The following CCDC171 variants were observed in gnomAD, a reference collection of about 807,000 sequenced individuals.
CCDC171 encodes coiled-coil domain-containing protein 171.
CCDC171 carries 177 observed loss-of-function variants against 168.2 expected under a neutral mutation model. The observed-to-expected ratio is 1.05, with a 90% CI of 0.93 to 1.19. The LOEUF is 1.19. Ranked by LOEUF, CCDC171 falls within the 50% of genes most tolerant of loss-of-function variation. The probability of loss-of-function intolerance (pLI) is 0.00; values close to 1 mark genes in which losing one functional copy is unlikely to be tolerated. For synonymous variants in CCDC171, 687 were observed against 540.8 expected, an observed-to-expected ratio of 1.27 and a Z score of -3.75; for missense variants, 1,991 against 1,539.0, an observed-to-expected ratio of 1.29 and a Z score of -4.91.
At chr9:15,953,410 A>G (rs752950161) in intron 25 of CCDC171, among the ~76,000 whole-genome samples, 1 of 152,126 alleles carries the variant, frequency 6.6e-6, no homozygotes, top group Admixed American at 6.5e-5. Flanking sequence ...ATTTAATCAA[A>G]TGCTTGTATG....
intron 10 of CCDC171, among the ~76,000 whole-genome samples, chr9:15,692,748 G>A (rs1196130998): frequency 6.6e-6 from 1 of 151,444 alleles, no homozygotes; most frequent in African/African-American, 2.4e-5. Flanking sequence ...CGTATGATGT[G>A]GATCTCCTGA....
chr9:15,816,838 T>C lies in CCDC171; in HGVS notation c.3268-29864T>C. Among the ~76,000 whole-genome samples, 2 of 119,042 alleles carry C rather than the reference T, an allele frequency of 1.7e-5. 1 individual carries two copies. The highest frequency in any genetic ancestry group is 3.8e-5 in the Non-Finnish European group (2 of 52,800). 78.1% of individuals were successfully genotyped at this position (119,042 alleles called of 152,430 possible). On this transcript the variant is annotated intron_variant, in intron 21 of 25. Coordinates refer to ENST00000380701, the MANE Select transcript of CCDC171 (RefSeq NM_173550.4). ...ATAATATTCTGTTTCATGAATGTGC[T>C]AAAATGTATTTAACTATTTTCTTGT...
At chr9:15,883,635 C>T (rs535966021) in intron 24 of CCDC171, among the ~76,000 whole-genome samples, 13 of 152,184 alleles carry the variant, frequency 8.5e-5, no homozygotes, top group African/African-American at 1.4e-4. Flanking sequence ...CATTTAAGGG[C>T]AAGTAATTGC....
intron 18 of CCDC171, among the ~76,000 whole-genome samples, chr9:15,756,410 G>A (rs528366895): frequency 1.7e-4 from 26 of 152,118 alleles, no homozygotes; most frequent in Admixed American, 1.6e-3. Context: ...TTAGATCAGG[G>A]AATACATGTG....
intron 11 of CCDC171, among the ~76,000 whole-genome samples, chr9:15,711,555 TG>T (rs1314981356): frequency 6.6e-6 from 1 of 152,188 alleles, no homozygotes; most frequent in Non-Finnish European, 1.5e-5. Flanking sequence ...AAGAAGTAAC[TG>T]TGAAGATCAA....
At chr9:15,944,832 T>TC (rs1468729770) in intron 25 of CCDC171, among the ~76,000 whole-genome samples, 2 of 27,000 alleles carry the variant, frequency 7.4e-5, no homozygotes, top group African/African-American at 1.3e-4. Flanking sequence ...TCTTTTTCTT[T>TC]CTTTTTTCTT....
chr9:15,683,551 A>T (rs1359896936), intron 10 of CCDC171, among the ~76,000 whole-genome samples: 1 of 152,048 alleles, frequency 6.6e-6, no homozygotes, highest in Non-Finnish European at 1.5e-5. Flanking sequence ...TATAAATATC[A>T]CTTTCCGTTT....
At chr9:16,091,891 G>A in the CCDC171 span, among the ~76,000 whole-genome samples, 1 of 152,182 alleles carries the variant, frequency 6.6e-6, no homozygotes, top group African/African-American at 2.4e-5. Context: ...AAATTACGAT[G>A]TGAGTGAGTC....
At chr9:15,863,272 C>G (rs985867946) in intron 23 of CCDC171, among the ~76,000 whole-genome samples, 6 of 151,970 alleles carry the variant, frequency 3.9e-5, no homozygotes, top group South Asian at 2.1e-4. Flanking sequence ...TAGAGAGTGT[C>G]TTCAGTTTTC....
intron 25 of CCDC171, among the ~76,000 whole-genome samples, chr9:15,947,749 G>T (rs1030057239): frequency 5.9e-5 from 9 of 151,684 alleles, no homozygotes; most frequent in African/African-American, 2.2e-4. Flanking sequence ...GGATCATTTG[G>T]TGATTCTATT....
chr9:16,000,512 T>A (rs1271990580), intron 3 of CCDC171, among the ~76,000 whole-genome samples: 1 of 152,118 alleles, frequency 6.6e-6, no homozygotes, highest in Non-Finnish European at 1.5e-5. Flanking sequence ...TGAAGTGAGG[T>A]CATCAGCAGA....
intron 3 of CCDC171, among the ~76,000 whole-genome samples, chr9:15,981,344 G>A (rs951994177): frequency 6.6e-6 from 1 of 152,152 alleles, no homozygotes; most frequent in Admixed American, 6.6e-5. Context: ...GTGAGAAGGT[G>A]GCTTTCTGTA....
chr9:15,582,533 A>G (rs1449766680), intron 4 of CCDC171, among the ~76,000 whole-genome samples: 1 of 152,196 alleles, frequency 6.6e-6, no homozygotes, highest in Non-Finnish European at 1.5e-5. Flanking sequence ...ACCAACCCAA[A>G]TGGCCATCAA....
Position 15,677,355 on chromosome 9 carries a change from C to A in CCDC171, c.1077-1403C>A, listed in dbSNP as rs577828654. On this transcript the variant is annotated intron_variant, in intron 9 of 25. Transcript: ENST00000380701. ...TATTCCTAATCTAAAGGAGAATATA[C>A]AAAAAAAGTTAACACTAGAATTGTC... is the stretch of plus-strand genomic sequence containing the variant. 1.9e-4 allele frequency among the ~76,000 whole-genome samples: 29 copies of A among 151,996 alleles called. 1 individual carries two copies. In the South Asian group the frequency reaches 5.4e-3, roughly 28 times the overall value.
chr9:15,856,687 G>T (rs1357485812), intron 23 of CCDC171, among the ~76,000 whole-genome samples: 1 of 151,938 alleles, frequency 6.6e-6, no homozygotes, highest in Non-Finnish European at 1.5e-5. Flanking sequence ...ATATTTCTTA[G>T]AGATTCTTAT....
intron 16 of CCDC171, among the ~76,000 whole-genome samples, chr9:15,734,413 C>G (rs760964655): frequency 6.6e-6 from 1 of 152,132 alleles, no homozygotes; most frequent in Non-Finnish European, 1.5e-5. Context: ...TGGCGCATGC[C>G]TGTAATCCCA....
chr9:15,803,834 C>A (rs1432876075), intron 21 of CCDC171, among the ~76,000 whole-genome samples: 1 of 151,848 alleles, frequency 6.6e-6, no homozygotes. Context: ...GGAATAGCAT[C>A]GAATCTATAA....
At chr9:15,624,855 A>G (rs1353479351) in intron 7 of CCDC171, among the ~76,000 whole-genome samples, 1 of 152,172 alleles carries the variant, frequency 6.6e-6, no homozygotes, top group East Asian at 1.9e-4. Context: ...GTTAAATGGT[A>G]TTTCTAGTTC....
intron 21 of CCDC171, among the ~76,000 whole-genome samples, chr9:15,838,793 C>T (rs1401595673): frequency 1.3e-5 from 2 of 152,166 alleles, no homozygotes; most frequent in South Asian, 2.1e-4. Flanking sequence ...TGTCTTCTTA[C>T]ATAGCAGCTA....
Sources: gnomAD v4.1 joint callset for allele counts (sites outside exome capture counted in the v4.1 genomes callset) on GRCh38, gnomAD v4.1.1 for gene constraint, MANE v1.5 for transcripts, NCBI Gene and HGNC (gene_info 2026-07-23, HGNC 2026-07-21) for gene names.